The following ATP8A1 variants were observed in gnomAD, a reference collection of about 807,000 sequenced individuals.
ATP8A1 encodes the protein ATPase phospholipid transporting 8A1.
A neutral mutation model predicts 177.7 loss-of-function variants in ATP8A1; 90 were observed. That is an observed-to-expected ratio of 0.51 (90% CI 0.43 to 0.60). The LOEUF (loss-of-function observed/expected upper bound fraction) is 0.60, where lower values mean the gene tolerates loss of function less well. Ranked by LOEUF, ATP8A1 falls within the 20% of genes least tolerant of loss-of-function variation. ATP8A1 has a pLI of 0.00. For missense variants in ATP8A1, 1,072 were observed against 1,392.8 expected, an observed-to-expected ratio of 0.77 and a Z score of 3.67; for synonymous variants, 493 against 485.9, an observed-to-expected ratio of 1.01 and a Z score of -0.19.
Position 42,621,736 on chromosome 4 carries a change from T to C in ATP8A1, c.363+2800A>G, listed in dbSNP as rs558672867. The stretch of plus-strand genomic sequence containing the variant: ...GTTTAAAATTTAACTATTTAAAAAT[T>C]CATATGGAACCAAAAAGACAGCCCA... On this transcript the variant is annotated intron_variant, in intron 4 of 36. Coordinates refer to ENST00000381668, the MANE Select transcript of ATP8A1 (RefSeq NM_006095.2). 2.0e-5 allele frequency among the ~76,000 whole-genome samples: 3 copies of C among 152,258 alleles called. No homozygotes were observed. In the East Asian group the frequency reaches 5.8e-4, roughly 29 times the overall value.
chr4:42,444,642 A>G lies in ATP8A1; in HGVS notation c.2959-8T>C. The stretch of plus-strand genomic sequence containing the variant: ...CACAGTTATCACCACAAACTAAAAC[A>G]GAAGGGGAAAATGTTATTTTACCTC... On this transcript the variant is annotated splice_region_variant and splice_polypyrimidine_tract_variant and intron_variant, in intron 31 of 36. Transcript: ENST00000381668. 1 of 1,613,466 alleles carries G rather than the reference A, an allele frequency of 6.2e-7. No homozygotes were observed. The highest frequency in any genetic ancestry group is 8.5e-7 in the Non-Finnish European group (1 of 1,179,532).
chr4:42,594,063 T>C (rs1314113842), intron 6 of ATP8A1, among the ~76,000 whole-genome samples: 2 of 152,134 alleles, frequency 1.3e-5, no homozygotes, highest in African/African-American at 4.8e-5. Context: ...GAGAGTAGAC[T>C]CTTAATTATA....
chr4:42,578,150 G>T, intron 12 of ATP8A1, 110 bp downstream of exon 12: 3 of 1,048,956 alleles, frequency 2.9e-6, no homozygotes, highest in African/African-American at 1.7e-5. Context: ...ATCTGATACT[G>T]TGGTCAAGAA....
intron 14 of ATP8A1, 82 bp from the exon 15 acceptor site, chr4:42,569,287 A>G (rs2109313308): frequency 9.0e-7 from 1 of 1,115,340 alleles, no homozygotes; most frequent in Non-Finnish European, 1.3e-6. Flanking sequence ...GAAGAAGGGA[A>G]GTATAAAAAG....
intron 8 of ATP8A1, among the ~76,000 whole-genome samples, chr4:42,587,331 G>A (rs530743084): frequency 1.4e-5 from 2 of 147,440 alleles, no homozygotes; most frequent in East Asian, 2.0e-4. Flanking sequence ...TTTTTGAGAC[G>A]GAGTGTCACT....
intron 20 of ATP8A1, among the ~76,000 whole-genome samples, chr4:42,537,920 T>C (rs1359318873): frequency 1.3e-5 from 2 of 152,132 alleles, no homozygotes; most frequent in Non-Finnish European, 2.9e-5. Flanking sequence ...CTAAATTTTG[T>C]ATGGAACCAC....
At chr4:42,447,661 CAG>C (rs1401248652) in intron 30 of ATP8A1, among the ~76,000 whole-genome samples, 1 of 152,112 alleles carries the variant, frequency 6.6e-6, no homozygotes, top group Non-Finnish European at 1.5e-5. Context: ...AACGTTTATT[CAG>C]AGTCAAATAT....
chr4:42,558,030 TCAAAAA>T (rs10700559), intron 15 of ATP8A1, among the ~76,000 whole-genome samples: 1,516 of 150,588 alleles, frequency 0.01, 14 homozygotes, highest in African/African-American at 0.026. Flanking sequence ...AGACTACATC[TCAAAAA>T]CAAAAACAAA....
chr4:42,470,385 A>G (rs1173537085), intron 25 of ATP8A1, among the ~76,000 whole-genome samples: 3 of 152,238 alleles, frequency 2.0e-5, no homozygotes, highest in African/African-American at 4.8e-5. Flanking sequence ...TAGGTGGTCC[A>G]TCTTACATGA....
intron 1 of ATP8A1, among the ~76,000 whole-genome samples, chr4:42,648,360 G>A (rs1010143156): frequency 5.9e-5 from 9 of 152,004 alleles, no homozygotes; most frequent in South Asian, 2.1e-4. Flanking sequence ...GAGAGGTGGC[G>A]GCGGGTGGGG....
At chr4:42,533,826 G>A (rs1727513569) in intron 20 of ATP8A1, among the ~76,000 whole-genome samples, 1 of 152,180 alleles carries the variant, frequency 6.6e-6, no homozygotes, top group African/African-American at 2.4e-5. Flanking sequence ...TGAGAGACCT[G>A]AAGATGGATC....
At chr4:42,598,955 G>T (rs1038082965) in intron 6 of ATP8A1, among the ~76,000 whole-genome samples, 1 of 152,094 alleles carries the variant, frequency 6.6e-6, no homozygotes, top group Non-Finnish European at 1.5e-5. Context: ...CTCAAAATGG[G>T]ATGCCTAGGT....
At chr4:42,515,830 C>T (rs1378003781) in intron 22 of ATP8A1, among the ~76,000 whole-genome samples, 1 of 152,204 alleles carries the variant, frequency 6.6e-6, no homozygotes, top group Non-Finnish European at 1.5e-5. Context: ...CTTTCCAACC[C>T]ATGATTTTCT....
chr4:42,524,851 G>A lies in ATP8A1; in HGVS notation c.1723-4C>T, dbSNP rs866439032. 1.3e-6 allele frequency: 2 copies of A among 1,591,750 alleles called. No homozygotes were observed. Among genetic ancestry groups the A allele is most frequent in the Non-Finnish European group, 1.7e-6 (2 of 1,166,504 alleles). On this transcript the variant is annotated splice_region_variant and splice_polypyrimidine_tract_variant and intron_variant, in intron 20 of 36. Transcript: ENST00000381668. ...GTCGATCATAAATTACAGTGTCCTG[G>A]AAAACAAACAGAGGGTAAAATGATT... is the stretch of plus-strand genomic sequence containing the variant.
chr4:42,492,858 G>A (rs1352156260), intron 24 of ATP8A1, among the ~76,000 whole-genome samples: 1 of 152,206 alleles, frequency 6.6e-6, no homozygotes, highest in African/African-American at 2.4e-5. Flanking sequence ...CAGGAAGCCT[G>A]TGCTTCCCTC....
At chr4:42,490,480 A>T (rs1722632502) in intron 24 of ATP8A1, among the ~76,000 whole-genome samples, 1 of 152,090 alleles carries the variant, frequency 6.6e-6, no homozygotes, top group African/African-American at 2.4e-5. Flanking sequence ...CAAGAGTCCA[A>T]ATTTGGCCCC....
intron 22 of ATP8A1, among the ~76,000 whole-genome samples, chr4:42,514,518 G>C (rs544458292): frequency 1.3e-5 from 2 of 152,110 alleles, no homozygotes; most frequent in Non-Finnish European, 2.9e-5. Context: ...AAGGAAAATG[G>C]AATACAGTAC....
chr4:42,590,918 C>A (rs369873714), intron 6 of ATP8A1, 34 bp from the exon 7 acceptor site: 1,015 of 1,160,206 alleles, frequency 8.7e-4, no homozygotes, highest in Admixed American at 2.3e-3. Flanking sequence ...TTAAAATGGC[C>A]AAAAAAAAAA....
intron 15 of ATP8A1, chr4:42,562,169 C>G (rs1359466570): frequency 6.6e-6 from 1 of 152,170 alleles, no homozygotes; most frequent in African/African-American, 2.4e-5. Context: ...GAACACATGC[C>G]ATTGACACAT....
Sources: gnomAD v4.1 joint callset for allele counts (sites outside exome capture counted in the v4.1 genomes callset) on GRCh38, gnomAD v4.1.1 for gene constraint, MANE v1.5 for transcripts, NCBI Gene and HGNC (gene_info 2026-07-23, HGNC 2026-07-21) for gene names.